Variants in DOK6 observed in about 807,000 individuals in gnomAD.
DOK6 encodes docking protein 6, also known as downstream of tyrosine kinase 6.
Under a neutral mutation model 44.0 loss-of-function variants are expected in DOK6, and 22 were observed. That is an observed-to-expected ratio of 0.50 (90% CI 0.36 to 0.71). DOK6 has a LOEUF of 0.71. DOK6 is among the 30% of genes least tolerant of loss of function. The pLI is 0.00. For synonymous variants in DOK6, 166 were observed against 145.5 expected (o/e 1.14, Z -1.01); for missense variants, 340 against 416.4 (o/e 0.82, Z 1.60).
intron 7 of DOK6, among the ~76,000 whole-genome samples, chr18:69,824,173 C>A (rs886642029): frequency 3.9e-4 from 54 of 138,738 alleles, no homozygotes; most frequent in Admixed American, 3.6e-3. Context: ...TTAGGTATAT[C>A]TCCTAATGCT....
intron 1 of DOK6, among the ~76,000 whole-genome samples, chr18:69,461,764 A>G (rs1444067891): frequency 1.3e-5 from 2 of 152,170 alleles, no homozygotes; most frequent in African/African-American, 4.8e-5. Flanking sequence ...AAGTGACTTC[A>G]TATGTCTTTG....
intron 3 of DOK6, among the ~76,000 whole-genome samples, chr18:69,645,797 C>G (rs1359605295): frequency 2.0e-5 from 3 of 152,102 alleles, no homozygotes; most frequent in African/African-American, 7.2e-5. Context: ...TCAGAAGGTG[C>G]GTAAACTTCT....
chr18:69,465,902 C>T (rs1216072051), intron 1 of DOK6, among the ~76,000 whole-genome samples: 1 of 151,942 alleles, frequency 6.6e-6, no homozygotes, highest in Non-Finnish European at 1.5e-5. Context: ...ATAGTTGATA[C>T]CTTAAACATT....
intron 1 of DOK6, among the ~76,000 whole-genome samples, chr18:69,425,600 A>T (rs1978615690): frequency 6.6e-6 from 1 of 152,088 alleles, no homozygotes; most frequent in Non-Finnish European, 1.5e-5. Flanking sequence ...CATCATGATT[A>T]AAGCAATCAT....
intron 4 of DOK6, among the ~76,000 whole-genome samples, chr18:69,678,120 G>A (rs1245497851): frequency 6.6e-6 from 1 of 152,030 alleles, no homozygotes; most frequent in Non-Finnish European, 1.5e-5. Flanking sequence ...GTGGTGGCCC[G>A]CACCTGTAGT....
Position 69,671,943 on chromosome 18 carries a change from C to T in DOK6, c.290-5791C>T, listed in dbSNP as rs946623335. 1.5e-4 allele frequency among the ~76,000 whole-genome samples: 23 copies of T among 152,290 alleles called. No homozygotes were observed. The Middle Eastern group carries it at 0.01, about 68-fold the overall frequency. On this transcript the variant is annotated intron_variant, in intron 3 of 7. Coordinates refer to ENST00000382713, the MANE Select transcript of DOK6 (RefSeq NM_152721.6). ...AGTTGACTGGGAAAGGCAGAACAATCGCTCATTGATACTTAGGGGCGTCTA... is the reference window on the plus strand; with the variant it reads ...AGTTGACTGGGAAAGGCAGAACAATTGCTCATTGATACTTAGGGGCGTCTA...
intron 3 of DOK6, among the ~76,000 whole-genome samples, chr18:69,629,489 C>A (rs897002576): frequency 1.3e-5 from 2 of 152,142 alleles, no homozygotes; most frequent in Non-Finnish European, 2.9e-5. Flanking sequence ...TCTCTTCCTG[C>A]ATCTGGCACT....
At chr18:69,699,126 A>G (rs368591957) in intron 5 of DOK6, among the ~76,000 whole-genome samples, 1 of 152,156 alleles carries the variant, frequency 6.6e-6, no homozygotes, top group African/African-American at 2.4e-5. Flanking sequence ...CATTATTAAT[A>G]AACACGGATT....
At chr18:69,755,690 T>G (rs967743099) in intron 6 of DOK6, among the ~76,000 whole-genome samples, 9 of 152,250 alleles carry the variant, frequency 5.9e-5, no homozygotes, top group African/African-American at 2.2e-4. Flanking sequence ...ATGCACGTTT[T>G]TAACGTGCAT....
intron 4 of DOK6, among the ~76,000 whole-genome samples, chr18:69,686,197 A>C (rs1232146464): frequency 2.0e-5 from 3 of 152,176 alleles, no homozygotes; most frequent in Non-Finnish European, 4.4e-5. Flanking sequence ...CCCTGCTGGC[A>C]CGCTGATCTT....
intron 7 of DOK6, among the ~76,000 whole-genome samples, chr18:69,768,631 C>T (rs1042183528): frequency 6.7e-6 from 1 of 148,442 alleles, no homozygotes; most frequent in Non-Finnish European, 1.5e-5. Flanking sequence ...AAGCAGAATA[C>T]GGCAGAGACT....
At chr18:69,744,562 A>G (rs1316831704) in intron 6 of DOK6, among the ~76,000 whole-genome samples, 1 of 152,172 alleles carries the variant, frequency 6.6e-6, no homozygotes, top group Non-Finnish European at 1.5e-5. Context: ...TGTGATCCCA[A>G]TTAATCAATT....
intron 7 of DOK6, among the ~76,000 whole-genome samples, chr18:69,823,207 T>G (rs191928167): frequency 5.9e-5 from 9 of 152,178 alleles, no homozygotes; most frequent in Non-Finnish European, 1.0e-4. Flanking sequence ...GACACAAAAG[T>G]AAATAAGCTT....
chr18:69,430,923 G>A (rs777372952), intron 1 of DOK6, among the ~76,000 whole-genome samples: 29 of 152,126 alleles, frequency 1.9e-4, no homozygotes, highest in Non-Finnish European at 3.4e-4. Flanking sequence ...CTGAGATTGC[G>A]CCACTGCACT....
intron 7 of DOK6, among the ~76,000 whole-genome samples, chr18:69,759,544 A>G (rs1979474223): frequency 1.3e-5 from 2 of 152,026 alleles, no homozygotes; most frequent in African/African-American, 4.8e-5. Context: ...AATTCCAGAA[A>G]ATAAAAACTC....
At chr18:69,410,927 A>G (rs1211854945) in intron 1 of DOK6, among the ~76,000 whole-genome samples, 2 of 152,130 alleles carry the variant, frequency 1.3e-5, no homozygotes, top group African/African-American at 4.8e-5. Context: ...TGGCTGTGAA[A>G]GACAGTTGCT....
At chr18:69,767,542 G>A (rs1408002211) in intron 7 of DOK6, among the ~76,000 whole-genome samples, 1 of 48 alleles carries the variant, frequency 0.021, no homozygotes, top group African/African-American at 0.12. Context: ...GCCCAGTGCA[G>A]AGGAGAATGC....
chr18:69,773,205 G>C (rs896166363), intron 7 of DOK6, among the ~76,000 whole-genome samples: 1 of 151,874 alleles, frequency 6.6e-6, no homozygotes, highest in Non-Finnish European at 1.5e-5. Flanking sequence ...GTATTGATGA[G>C]GATATGGAGA....
intron 1 of DOK6, among the ~76,000 whole-genome samples, chr18:69,533,917 A>G (rs1214144196): frequency 6.6e-6 from 1 of 151,938 alleles, no homozygotes; most frequent in Non-Finnish European, 1.5e-5. Flanking sequence ...CTTTAGATAG[A>G]GATAGATAGA....
Sources: gnomAD v4.1 joint callset for allele counts (sites outside exome capture counted in the v4.1 genomes callset) on GRCh38, gnomAD v4.1.1 for gene constraint, MANE v1.5 for transcripts, NCBI Gene and HGNC (gene_info 2026-07-23, HGNC 2026-07-21) for gene names.